The following KTN1 variants were observed in gnomAD, a reference collection of about 807,000 sequenced individuals.
KTN1 encodes the protein kinectin.
A neutral mutation model predicts 222.5 loss-of-function variants in KTN1; 130 were observed. The ratio of observed to expected loss-of-function variants is 0.58; its 90% confidence interval spans 0.51 to 0.68. The LOEUF (loss-of-function observed/expected upper bound fraction) is 0.68. Among genes scored for constraint, KTN1 ranks in the 30% least tolerant of loss-of-function variants. The pLI is 0.00. For missense variants in KTN1, 1,508 were observed against 1,500.4 expected (o/e 1.01, Z -0.08); for synonymous variants, 512 against 496.3 (o/e 1.03, Z -0.42).
chr14:55,644,559 A>AATC, intron 18 of KTN1: 1 of 409,942 alleles, frequency 2.4e-6, no homozygotes, highest in Non-Finnish European at 4.3e-6. Flanking sequence ...TCAGAATAAG[A>AATC]CTTTTTTTTT....
At chr14:55,602,204 A>G (rs1374900562) in intron 1 of KTN1, among the ~76,000 whole-genome samples, 1 of 152,180 alleles carries the variant, frequency 6.6e-6, no homozygotes, top group Non-Finnish European at 1.5e-5. Flanking sequence ...TCTTTATCAC[A>G]CTGCAGTATG....
At chr14:55,656,210 C>A in intron 29 of KTN1, 78 bp downstream of exon 29, 2 of 959,488 alleles carry the variant, frequency 2.1e-6, no homozygotes, top group East Asian at 2.6e-5. Context: ...TAACTGCTGC[C>A]AAAAAATAGA....
chr14:55,605,316 G>A (rs149494727), intron 1 of KTN1, among the ~76,000 whole-genome samples: 179 of 152,134 alleles, frequency 1.2e-3, no homozygotes, highest in Non-Finnish European at 2.2e-3. Context: ...TTGCTCTGTC[G>A]CCCAGGCTGG....
In KTN1 at chr14:55,651,896, A is replaced by G. The variant is rs764633112; in HGVS notation, c.2572A>G (p.Ile858Val). 1.5e-5 allele frequency: 24 copies of G among 1,566,392 alleles called. No individual in the cohort carries two copies. The highest frequency in any genetic ancestry group is 1.4e-4 in the Admixed American group (8 of 57,310). ...VQLEKAQQLS[I>V]TSKVQELQNL... Reference sequence around the variant, plus strand: ...TCTGTCCTTTGTATTTCAGTTATCTATCACTTCCAAAGTTCAGGAGCTTCA... The same window carrying G: ...TCTGTCCTTTGTATTTCAGTTATCTGTCACTTCCAAAGTTCAGGAGCTTCA... The change falls in exon 25 of 44, where the codon ATC becomes GTC. Residue 858 changes from isoleucine (I) to valine (V), a missense_variant. By Grantham distance (29) the Ile-to-Val change is conservative. Transcript: ENST00000395314.
chr14:55,683,464 A>G (rs576672042), intron 43 of KTN1: 13 of 152,310 alleles, frequency 8.5e-5, no homozygotes, highest in Admixed American at 7.2e-4. Context: ...TGTTTTACCA[A>G]TCAGTGGTAC....
intron 35 of KTN1, among the ~76,000 whole-genome samples, chr14:55,671,164 A>C (rs2045410793): frequency 6.6e-6 from 1 of 152,136 alleles, no homozygotes; most frequent in African/African-American, 2.4e-5. Context: ...ACGTCATTAG[A>C]GGTATTTAGA....
chr14:55,598,448 A>G (rs2035427761), intron 1 of KTN1, among the ~76,000 whole-genome samples: 1 of 152,058 alleles, frequency 6.6e-6, no homozygotes, highest in South Asian at 2.1e-4. Context: ...AAAAAAAAAA[A>G]AAAGAATATT....
chr14:55,646,092 G>A (rs559235698), intron 18 of KTN1, among the ~76,000 whole-genome samples: 1 of 148,854 alleles, frequency 6.7e-6, no homozygotes. Context: ...TCCCACTTTG[G>A]ACATAAGATA....
chr14:55,662,652 A>T (rs893485457), intron 32 of KTN1, among the ~76,000 whole-genome samples: 3 of 152,228 alleles, frequency 2.0e-5, no homozygotes, highest in African/African-American at 7.2e-5. Context: ...ATAAAATGTT[A>T]CTGAAATCTA....
At chr14:55,655,819 T>A (rs766011797) in intron 28 of KTN1, among the ~76,000 whole-genome samples, 3 of 152,214 alleles carry the variant, frequency 2.0e-5, no homozygotes, top group African/African-American at 7.2e-5. Context: ...GTTTTAGAGT[T>A]TCTTCCTAGA....
chr14:55,612,596 T>A lies in KTN1; in HGVS notation c.523+25T>A, dbSNP rs777323167. The A allele has an allele frequency of 1.4e-4, 213 of 1,529,286 alleles. 2 individuals carry two copies. The highest frequency in any genetic ancestry group is 1.8e-4 in the Admixed American group (8 of 44,574). 94.7% of individuals were successfully genotyped at this position (1,529,286 alleles called of 1,614,324 possible). The stretch of plus-strand genomic sequence containing the variant: ...GGTATTGTAATCTATTTAATCTATT[T>A]AATTTTATTGTATGATTTGGAGCTT... On this transcript the variant is annotated intron_variant, in intron 2 of 43. Transcript: ENST00000395314.
intron 1 of KTN1, among the ~76,000 whole-genome samples, chr14:55,597,929 GA>G (rs1281892065): frequency 2.0e-5 from 3 of 151,470 alleles, no homozygotes; most frequent in Admixed American, 2.0e-4. Flanking sequence ...GTAAGGTTTA[GA>G]AAAAAAAATT....
At chr14:55,659,107 A>G (rs986706730) in intron 30 of KTN1, among the ~76,000 whole-genome samples, 1 of 152,200 alleles carries the variant, frequency 6.6e-6, no homozygotes, top group Non-Finnish European at 1.5e-5. Flanking sequence ...AAATTAATTT[A>G]TGCATGTATA....
intron 9 of KTN1, among the ~76,000 whole-genome samples, chr14:55,635,096 G>A (rs1258143228): frequency 6.6e-6 from 1 of 152,094 alleles, no homozygotes; most frequent in Non-Finnish European, 1.5e-5. Flanking sequence ...TTAATTTGAT[G>A]ACTTAAATGT....
intron 1 of KTN1, among the ~76,000 whole-genome samples, chr14:55,583,709 A>G (rs572209512): frequency 3.3e-5 from 5 of 152,264 alleles, no homozygotes; most frequent in Admixed American, 1.3e-4. Context: ...TTAAATACCT[A>G]TATGCTGATG....
chr14:55,639,112 C>A, intron 12 of KTN1, 73 bp from the exon 13 acceptor site: 1 of 954,366 alleles, frequency 1.0e-6, no homozygotes, highest in Non-Finnish European at 1.7e-6. Context: ...AAATTTAAAG[C>A]TGTTATGATT....
chr14:55,583,087 C>T (rs1016036916), intron 1 of KTN1, among the ~76,000 whole-genome samples: 2 of 152,092 alleles, frequency 1.3e-5, no homozygotes, highest in Non-Finnish European at 2.9e-5. Context: ...AAGCCTTTTT[C>T]CCTCCTCTAT....
At chr14:55,636,235 C>T (rs2041110556) in intron 9 of KTN1, among the ~76,000 whole-genome samples, 1 of 152,084 alleles carries the variant, frequency 6.6e-6, no homozygotes, top group South Asian at 2.1e-4. Context: ...ACTGTAAACC[C>T]TGTAATGTTG....
Position 55,627,905 on chromosome 14 carries a change from A to G in KTN1, c.964-7A>G, listed in dbSNP as rs569480873. 6.3e-5 allele frequency: 96 copies of G among 1,533,244 alleles called. No homozygotes were observed. Among genetic ancestry groups the G allele is most frequent in the Admixed American group, 1.4e-4 (8 of 59,054 alleles). 95.0% of individuals were successfully genotyped at this position (1,533,244 alleles called of 1,614,324 possible). On this transcript the variant is annotated splice_polypyrimidine_tract_variant and splice_region_variant and intron_variant, in intron 5 of 43. Transcript: ENST00000395314. ...TTACTAATTCTGCATTGCTTTCTCA[A>G]TTGCAGTCAAGTAAGGGAGAATTGA...
Sources: allele counts gnomAD v4.1 joint callset (sites outside exome capture counted in the v4.1 genomes callset), GRCh38; gene constraint gnomAD v4.1.1; transcripts MANE v1.5; gene names NCBI Gene and HGNC (gene_info 2026-07-23, HGNC 2026-07-21).